SNED1: variants seen among roughly 807,000 people sequenced by gnomAD.
The protein encoded by SNED1 is sushi, nidogen and EGF-like domain-containing protein 1.
In SNED1, 81 loss-of-function variants were observed where a neutral mutation model predicts 166.7. That is an observed-to-expected ratio of 0.49 (90% CI 0.41 to 0.58). SNED1 has a LOEUF of 0.58. Ranked by LOEUF, SNED1 falls within the 20% of genes least tolerant of loss-of-function variation. The pLI is 0.00. For missense variants in SNED1, 1,604 were observed against 2,000.2 expected (o/e 0.80, Z 3.78); for synonymous variants, 762 against 822.0 (o/e 0.93, Z 1.25).
chr2:241,094,945 C>G lies in SNED1; in HGVS notation c.*3309C>G, dbSNP rs887504432. On this transcript the variant is annotated 3_prime_UTR_variant, in exon 32 of 32. Coordinates refer to ENST00000310397, the MANE Select transcript of SNED1 (RefSeq NM_001080437.3). This position sits in a 1 kb window ranked among gnomAD's most constrained non-coding sequence, Gnocchi z 4.3. ...CTCCAGGACCCTCTTAGAGCTCATG[C>G]CATCAGAGACAGGCCTCTATCTCAG... 6.6e-6 allele frequency: 1 copy of G among 152,406 alleles called. No homozygotes were observed. Among genetic ancestry groups the G allele is most frequent in the Non-Finnish European group, 1.5e-5 (1 of 68,244 alleles). 9.4% of individuals were successfully genotyped at this position (152,406 alleles called of 1,614,324 possible). A position where few individuals can be genotyped will look rare whatever the true frequency, so the allele number is the denominator to read the frequency against.
At position 241,095,442 on chromosome 2, in the gene SNED1, CTT is replaced by C. The variant is rs2064351121; in HGVS notation, c.*3809_*3810del. 6.5e-6 allele frequency: 1 copy of C among 153,274 alleles called. No homozygotes were observed. The highest frequency in any genetic ancestry group is 2.4e-5 in the African/African-American group (1 of 41,460). 9.5% of individuals were successfully genotyped at this position (153,274 alleles called of 1,614,324 possible). ...TAACCAGTACATCATGAATTAACTT[CTT>C]TTACTCTGCTGTGCACTGAATACCA... On this transcript the variant is annotated 3_prime_UTR_variant, in exon 32 of 32. Transcript: ENST00000310397.
Position 241,069,142 on chromosome 2 carries a change from G to A in SNED1, c.3307+119G>A. The A allele has an allele frequency of 1.5e-6, 1 of 670,464 alleles. No individual in the cohort carries two copies. The highest frequency in any genetic ancestry group is 2.5e-6 in the Non-Finnish European group (1 of 403,856). 41.5% of individuals were successfully genotyped at this position (670,464 alleles called of 1,614,324 possible). A position where few individuals can be genotyped will look rare whatever the true frequency, so the allele number is the denominator to read the frequency against. On this transcript the variant is annotated intron_variant, in intron 23 of 31. Coordinates refer to ENST00000310397, the MANE Select transcript of SNED1 (RefSeq NM_001080437.3). This position sits in a 1 kb window ranked among gnomAD's most constrained non-coding sequence, Gnocchi z 4.9. ...CACAACACCAGAAACCCAGCCCCTGGCCTCCCAGATGTCTCTTCCGCTGGG... is the reference window on the plus strand; with the variant it reads ...CACAACACCAGAAACCCAGCCCCTGACCTCCCAGATGTCTCTTCCGCTGGG...
intron 16 of SNED1, among the ~76,000 whole-genome samples, chr2:241,053,722 C>G (rs2061951750): frequency 6.6e-6 from 1 of 152,164 alleles, no homozygotes; most frequent in Non-Finnish European, 1.5e-5. Flanking sequence ...GAACAAGATC[C>G]CCCTTCCCCC....
rs967039573 is a variant in SNED1, at chr2:241,053,394, G to C, written c.2257+68G>C. 5 of 1,465,226 alleles carry C rather than the reference G, an allele frequency of 3.4e-6. No homozygotes were observed. The African/African-American group carries it at 7.0e-5, about 21-fold the overall frequency. The allele number at this position is 1,465,226 out of a possible 1,614,324, so 90.8% of individuals were successfully genotyped here. A position where few individuals can be genotyped will look rare whatever the true frequency, so the allele number is the denominator to read the frequency against. ...CCCTCCTCATCCTGGCCATGTGGAG[G>C]AGCACAGGGGCTGCAGGCCCAAGCC... On this transcript the variant is annotated intron_variant, in intron 16 of 31. Coordinates refer to ENST00000310397, the MANE Select transcript of SNED1 (RefSeq NM_001080437.3).
chr2:241,084,502 C>T (rs558829983), intron 29 of SNED1, among the ~76,000 whole-genome samples: 43 of 152,274 alleles, frequency 2.8e-4, no homozygotes, highest in African/African-American at 9.6e-4. Flanking sequence ...ACGCCGCATA[C>T]CTTTAATCAC....
intron 30 of SNED1, chr2:241,087,720 G>A (rs2063657974): frequency 7.4e-7 from 1 of 1,351,010 alleles, no homozygotes; most frequent in Non-Finnish European, 9.5e-7. Context: ...CTCTGGTTAT[G>A]CATATTCACA....
chr2:241,055,790 G>T (rs2125131792), intron 16 of SNED1, among the ~76,000 whole-genome samples: 2 of 152,308 alleles, frequency 1.3e-5, no homozygotes, highest in Middle Eastern at 6.8e-3. Flanking sequence ...AGCAGAGATA[G>T]ATTTCATAGT....
At chr2:241,023,888 C>CTTTTTTTTTTTTTTTTTTTTTTTTCTTTT (rs34234341) in intron 1 of SNED1, among the ~76,000 whole-genome samples, 1 of 91,994 alleles carries the variant, frequency 1.1e-5, no homozygotes, top group East Asian at 3.6e-4. Context: ...TTTTTTTTTC[C>CTTTTTTTTTTTTTTTTTTTTTTTTCTTTT]TTTTTTTTTT....
At position 241,030,585 on chromosome 2, in the gene SNED1, C is replaced by T. The variant is rs2061135911; in HGVS notation, c.501+14C>T. The T allele has an allele frequency of 1.9e-6, 3 of 1,611,674 alleles. No individual in the cohort carries two copies. The highest frequency in any genetic ancestry group is 1.7e-5 in the Admixed American group (1 of 59,968). On this transcript the variant is annotated intron_variant, in intron 2 of 31. Coordinates refer to ENST00000310397, the MANE Select transcript of SNED1 (RefSeq NM_001080437.3). ...TCCTCATCCCCTGTGAGTCCAGGCACTTGTCCTGGGGAGGGTGGGTGTGTG... is the reference window on the plus strand; with the variant it reads ...TCCTCATCCCCTGTGAGTCCAGGCATTTGTCCTGGGGAGGGTGGGTGTGTG...
At chr2:241,016,502 G>A (rs1407332994) in intron 1 of SNED1, among the ~76,000 whole-genome samples, 5 of 151,850 alleles carry the variant, frequency 3.3e-5, no homozygotes, top group Non-Finnish European at 5.9e-5. Context: ...GGCCCATGGT[G>A]GATTATTTAT....
At chr2:241,081,885 G>T in intron 28 of SNED1, 92 bp downstream of exon 28, 3 of 960,898 alleles carry the variant, frequency 3.1e-6, no homozygotes, top group Non-Finnish European at 3.2e-6. Flanking sequence ...TGCCACGGGA[G>T]CCTCCAAACG....
chr2:241,038,664 C>G (rs542660133), intron 6 of SNED1, among the ~76,000 whole-genome samples: 2 of 152,276 alleles, frequency 1.3e-5, no homozygotes, highest in Admixed American at 6.5e-5. Flanking sequence ...TGCTTGCCCA[C>G]GTGCTCTCAA....
chr2:241,047,705 G>C (rs570910208), intron 8 of SNED1, among the ~76,000 whole-genome samples: 2 of 152,368 alleles, frequency 1.3e-5, no homozygotes, highest in Admixed American at 6.5e-5. Context: ...CTGGCCCCTG[G>C]GTGGTCTCTC....
intron 27 of SNED1, among the ~76,000 whole-genome samples, chr2:241,078,166 C>T (rs2063124821): frequency 2.0e-5 from 3 of 151,620 alleles, no homozygotes; most frequent in Non-Finnish European, 2.9e-5. Context: ...GGGCAGATCA[C>T]CAGGTCAGGC....
rs1454046817 is a variant in SNED1 at position 241,035,835 on chromosome 2, A to C, written c.806-955A>C. The stretch of plus-strand genomic sequence containing the variant: ...TAGATGGTGTGGGGATGGGGGGTGC[A>C]GGCGCGCCACAGGGTTGGGAGTGAG... On this transcript the variant is annotated intron_variant, in intron 4 of 31. Coordinates refer to ENST00000310397, the MANE Select transcript of SNED1 (RefSeq NM_001080437.3). Among the ~76,000 whole-genome samples, 55 of 118,044 alleles carry C rather than the reference A, an allele frequency of 4.7e-4. 1 individual carries two copies. The highest frequency in any genetic ancestry group is 1.6e-3 in the African/African-American group (50 of 30,556). The allele number at this position is 118,044 out of a possible 152,430, so 77.4% of individuals were successfully genotyped here.
intron 1 of SNED1, among the ~76,000 whole-genome samples, chr2:241,003,252 A>G (rs995288067): frequency 6.6e-6 from 1 of 152,112 alleles, no homozygotes; most frequent in Admixed American, 6.5e-5. Flanking sequence ...CACCCCATGA[A>G]GGCAGGGACC....
chr2:241,094,101 G>A lies in SNED1; in HGVS notation c.*2465G>A. Reference sequence around the variant, plus strand: ...GAGAAAATGAAAACACTGGCACAGTGAAATGTCTCATTTCCAAACAGTTTT... The same window carrying A: ...GAGAAAATGAAAACACTGGCACAGTAAAATGTCTCATTTCCAAACAGTTTT... On this transcript the variant is annotated 3_prime_UTR_variant, in exon 32 of 32. Coordinates refer to ENST00000310397, the MANE Select transcript of SNED1 (RefSeq NM_001080437.3). This position sits in a 1 kb window ranked among gnomAD's most constrained non-coding sequence, Gnocchi z 4.3. 2 of 350,886 alleles carry A rather than the reference G, an allele frequency of 5.7e-6. No homozygotes were observed. Among genetic ancestry groups the A allele is most frequent in the Non-Finnish European group, 1.1e-5 (2 of 174,508 alleles). The allele number at this position is 350,886 out of a possible 1,614,324, so 21.7% of individuals were successfully genotyped here. A position where few individuals can be genotyped will look rare whatever the true frequency, so the allele number is the denominator to read the frequency against.
rs1311622257 is a variant in SNED1, at chr2:241,081,690, C to T, written c.3930C>T (p.Asn1310=). 6.2e-7 allele frequency: 1 copy of T among 1,605,514 alleles called. No individual in the cohort carries two copies. The highest frequency in any genetic ancestry group is 1.1e-5 in the South Asian group (1 of 89,268). Residue 1310 remains asparagine (N), a synonymous_variant, in exon 28 of 32, where the codon AAC becomes AAT. Transcript: ENST00000310397. The stretch of plus-strand genomic sequence containing the variant: ...CTCTGTTTCCAGACGTCCCTGGCAA[C>T]TGTTCAGAAAACCCCTGTCAGAACG... ...GSKDIGNVPG[N]CSENPCQNGG...
chr2:241,002,274 A>G (rs570538866), intron 1 of SNED1, among the ~76,000 whole-genome samples: 1 of 152,256 alleles, frequency 6.6e-6, no homozygotes, highest in South Asian at 2.1e-4. Flanking sequence ...TCTCAGTGGG[A>G]CCGAGGCCTG....
Sources: allele counts gnomAD v4.1 joint callset (sites outside exome capture counted in the v4.1 genomes callset), GRCh38; gene constraint gnomAD v4.1.1; non-coding constraint Gnocchi (gnomAD v3.1); transcripts MANE v1.5; gene names NCBI Gene and HGNC (gene_info 2026-07-23, HGNC 2026-07-21).